Variants in MICALL2 observed in about 807,000 individuals in gnomAD.
MICALL2 encodes MICAL like 2.
MICALL2 carries 111 observed loss-of-function variants against 91.1 expected under a neutral mutation model. That is an observed-to-expected ratio of 1.22 (90% CI 1.04 to 1.43). MICALL2 has a LOEUF of 1.43. MICALL2 is among the 40% of genes most tolerant of loss of function. The pLI, the probability that MICALL2 is intolerant of heterozygous loss-of-function variation, is 0.00. For missense variants in MICALL2, 1,556 were observed against 1,236.0 expected (o/e 1.26, Z -3.88); for synonymous variants, 694 against 525.3 (o/e 1.32, Z -4.39).
In MICALL2 at chr7:1,440,033, C is replaced by A; in HGVS notation, c.1858G>T (p.Ala620Ser). ...RALAEPRAGE[A>S]PRKVSGSFAG... ...AAGCTGCCTGAGACCTTCCTGGGGGCCTCCCCCGCCCTCGGCTCTGCCAGG... is the reference window on the plus strand; with the variant it reads ...AAGCTGCCTGAGACCTTCCTGGGGGACTCCCCCGCCCTCGGCTCTGCCAGG... Residue 620 changes from alanine (A) to serine (S), a missense_variant, in exon 9 of 17, where the codon GCC becomes TCC. Ala to Ser is a moderately conservative substitution (Grantham distance 99). Transcript: ENST00000297508. 1.3e-6 allele frequency: 2 copies of A among 1,578,082 alleles called. No individual in the cohort carries two copies. The highest frequency in any genetic ancestry group is 2.4e-5 in the East Asian group (1 of 41,908).
chr7:1,440,046 C>T lies in MICALL2; in HGVS notation c.1845G>A (p.Pro615=), dbSNP rs778253235. ...CCTTCCTGGGGGCCTCCCCCGCCCT[C>T]GGCTCTGCCAGGGCCCGTGGTTCCT... ...KPKEPRALAE[P]RAGEAPRKVS... is the part of the protein sequence containing the mutation. Residue 615 remains proline, a synonymous_variant, in exon 9 of 17, where the codon CCG becomes CCA. Coordinates refer to ENST00000297508, the MANE Select transcript of MICALL2 (RefSeq NM_182924.4). 1.8e-5 allele frequency: 28 copies of T among 1,584,240 alleles called. No individual in the cohort carries two copies. Among genetic ancestry groups the T allele is most frequent in the South Asian group, 1.0e-4 (9 of 86,696 alleles).
chr7:1,448,752 C>T lies in MICALL2; in HGVS notation c.202G>A (p.Val68Met). The T allele has an allele frequency of 2.5e-6, 4 of 1,612,592 alleles. No individual in the cohort carries two copies. The highest frequency in any genetic ancestry group is 2.2e-5 in the East Asian group (1 of 44,878). ...IYENNKLAFR[V>M]AEEHLGIPAL... is the part of the protein sequence containing the mutation. ...GGGATGCCCAAGTGCTCCTCGGCCA[C>T]GCGGAAGGCCTGCGAAAGGTGGGAG... Residue 68 changes from valine (V) to methionine (M), a missense_variant, in exon 3 of 17, where the codon GTG (valine) becomes ATG (methionine). Val to Met is a conservative substitution (Grantham distance 21). Transcript: ENST00000297508.
In MICALL2 at chr7:1,444,794, C is replaced by A; in HGVS notation, c.1276G>T (p.Val426Leu). 5 of 1,611,446 alleles carry A rather than the reference C, an allele frequency of 3.1e-6. No individual in the cohort carries two copies. Among genetic ancestry groups the A allele is most frequent in the Non-Finnish European group, 4.2e-6 (5 of 1,179,280 alleles). The change falls in exon 6 of 17, where the codon GTG (valine) becomes TTG (leucine). Residue 426 changes from valine to leucine, a missense_variant. By Grantham distance (32) the Val-to-Leu change is conservative (BLOSUM62 1). Transcript: ENST00000297508. ...CCAGAAAGGCTGGTGCCGGGGGGCACTGCTGATGTTTGGAAAAACTTATTC... is the reference window on the plus strand; with the variant it reads ...CCAGAAAGGCTGGTGCCGGGGGGCAATGCTGATGTTTGGAAAAACTTATTC... ...ARNKFFQTSA[V>L]PPGTSLSGRG...
At position 1,442,285 on chromosome 7, in the gene MICALL2, C is replaced by G; in HGVS notation, c.1618G>C (p.Ala540Pro). The change falls in exon 7 of 17, where the codon GCG becomes CCG. Residue 540 changes from alanine (A) to proline (P), a missense_variant. Transcript: ENST00000297508. ...ALPPAGRRNL[A>P]ESSGVGRVGA... ...ACCCTGCCGACCCCTGAGGATTCCG[C>G]CAAGTTCCTCCTGCCTGCCGGGGGC... 1 of 1,613,046 alleles carries G rather than the reference C, an allele frequency of 6.2e-7. No individual in the cohort carries two copies. Among genetic ancestry groups the G allele is most frequent in the African/African-American group, 1.3e-5 (1 of 75,062 alleles).
chr7:1,441,927 G>A (rs946918844), intron 7 of MICALL2: 4 of 544,050 alleles, frequency 7.4e-6, no homozygotes, highest in African/African-American at 5.7e-5. Flanking sequence ...CTGCAGGGCT[G>A]GGCTGCAGGC....
chr7:1,450,685 A>G, intron 1 of MICALL2: 2 of 200,546 alleles, frequency 1.0e-5, no homozygotes, highest in East Asian at 1.2e-4. Context: ...TGGGTCGCAG[A>G]GGCCTGATGC....
At position 1,442,259 on chromosome 7, in the gene MICALL2, C is replaced by T. The variant is rs144202554; in HGVS notation, c.1644G>A (p.Val548=). 1.6e-5 allele frequency: 26 copies of T among 1,612,796 alleles called. No homozygotes were observed. In the African/African-American group the frequency reaches 2.9e-4, roughly 18 times the overall value. Residue 548 remains valine, a synonymous_variant, in exon 7 of 17, where the codon GTG becomes GTA. Transcript: ENST00000297508. ...NLAESSGVGR[V]GAGSRPKPEA... ...CTGGCTTCGGCCTGGAGCCAGCACC[C>T]ACCCTGCCGACCCCTGAGGATTCCG... is the stretch of plus-strand genomic sequence containing the variant.
intron 6 of MICALL2, among the ~76,000 whole-genome samples, chr7:1,443,960 G>T (rs1780434876): frequency 6.6e-6 from 1 of 152,126 alleles, no homozygotes; most frequent in Non-Finnish European, 1.5e-5. Context: ...GAAGGTCAGG[G>T]CCTGGCTGGA....
At chr7:1,440,724 G>T (rs768979354) in intron 7 of MICALL2, 40 bp from the exon 8 acceptor site, 1 of 1,543,584 alleles carries the variant, frequency 6.5e-7, no homozygotes, top group Non-Finnish European at 8.9e-7. Context: ...AGGAAGGAGT[G>T]CTGGGAATGG....
intron 1 of MICALL2, among the ~76,000 whole-genome samples, 200 bp downstream of exon 1, chr7:1,458,984 T>C (rs59341596): frequency 0.032 from 4,885 of 152,208 alleles, 272 homozygotes; most frequent in African/African-American, 0.11. Flanking sequence ...GGGGATGCCA[T>C]GGCTCTGGCC....
At position 1,442,217 on chromosome 7, in the gene MICALL2, C is replaced by A. The variant is rs149817393; in HGVS notation, c.1686G>T (p.Lys562Asn). Reference protein sequence around the residue: ...SRPKPEAPMAKGKSTTLTQDM... With the variant: ...SRPKPEAPMANGKSTTLTQDM... ...CCTGCGTTAAGGTGGTGCTTTTACC[C>A]TTTGCCATCGGGGCCTCTGGCTTCG... Residue 562 changes from lysine (K) to asparagine (N), a missense_variant, in exon 7 of 17, where the codon AAG (lysine) becomes AAT (asparagine). Coordinates refer to ENST00000297508, the MANE Select transcript of MICALL2 (RefSeq NM_182924.4). 34 of 1,612,760 alleles carry A rather than the reference C, an allele frequency of 2.1e-5. No individual in the cohort carries two copies. In the African/African-American group the frequency reaches 4.5e-4, roughly 21 times the overall value.
Position 1,442,484 on chromosome 7 carries a change from C to T in MICALL2, c.1419G>A (p.Arg473=), listed in dbSNP as rs750329246. 43 of 1,524,970 alleles carry T rather than the reference C, an allele frequency of 2.8e-5. No individual in the cohort carries two copies. The East Asian group carries it at 4.3e-4, about 15-fold the overall frequency. 94.5% of individuals were successfully genotyped at this position (1,524,970 alleles called of 1,614,324 possible). A position where few individuals can be genotyped will look rare whatever the true frequency, so the allele number is the denominator to read the frequency against. Residue 473 remains arginine, a splice_region_variant and synonymous_variant, in exon 7 of 17, where the codon AGG becomes AGA. Transcript: ENST00000297508. Reference sequence around the variant, plus strand: ...GAACAGCGGCAGTGGCTGGGGAGGGCCTATAAGTAAAAGCGCAGGCATCAG... The same window carrying T: ...GAACAGCGGCAGTGGCTGGGGAGGGTCTATAAGTAAAAGCGCAGGCATCAG... ...LEEAGAPAPG[R]PSPATAAVPS...
Position 1,448,619 on chromosome 7 carries a change from C to A in MICALL2, c.334+1G>T, listed in dbSNP as rs756241370. 3 of 1,612,418 alleles carry A rather than the reference C, an allele frequency of 1.9e-6. No individual in the cohort carries two copies. Among genetic ancestry groups the A allele is most frequent in the Non-Finnish European group, 2.5e-6 (3 of 1,179,832 alleles). Reference sequence around the variant, plus strand: ...GCTCGGCGGGCGCGGCAGGGACTCACTGGGGGAGCGGCCGTGGAAGTAGTT... The same window carrying A: ...GCTCGGCGGGCGCGGCAGGGACTCAATGGGGGAGCGGCCGTGGAAGTAGTT... On this transcript the variant is annotated splice_donor_variant, in intron 3 of 16. Coordinates refer to ENST00000297508, the MANE Select transcript of MICALL2 (RefSeq NM_182924.4). LOFTEE classifies it high-confidence loss of function.
intron 1 of MICALL2, among the ~76,000 whole-genome samples, chr7:1,453,147 C>G (rs1436181700): frequency 1.3e-5 from 2 of 150,974 alleles, no homozygotes; most frequent in Non-Finnish European, 3.0e-5. Context: ...TCTCCAGGAG[C>G]CCCCCAAGAA....
intron 2 of MICALL2, 64 bp downstream of exon 2, chr7:1,450,176 G>T: frequency 2.2e-6 from 3 of 1,372,984 alleles, no homozygotes; most frequent in Non-Finnish European, 3.1e-6. Context: ...TCGGTCCCTC[G>T]GACGTGGGTG....
chr7:1,439,219 G>A (rs892650135), intron 9 of MICALL2: 30 of 533,392 alleles, frequency 5.6e-5, no homozygotes, highest in Middle Eastern at 4.8e-4. Flanking sequence ...GCTGCTCAAG[G>A]TCACACAGGA....
chr7:1,446,784 G>C lies in MICALL2; in HGVS notation c.570C>G (p.Val190=). Residue 190 remains valine, a synonymous_variant, in exon 5 of 17, where the codon GTC becomes GTG. Transcript: ENST00000297508. ...AGSLVSSTCG[V]CGKHVHLVQR... ...GTACCAGGTGCACGTGCTTGCCGCAGACCCCGCAGGTGCTGCTGACCAAGC... is the reference window on the plus strand; with the variant it reads ...GTACCAGGTGCACGTGCTTGCCGCACACCCCGCAGGTGCTGCTGACCAAGC... The C allele has an allele frequency of 1.2e-6, 2 of 1,607,418 alleles. No individual in the cohort carries two copies. The highest frequency in any genetic ancestry group is 1.7e-6 in the Non-Finnish European group (2 of 1,177,644).
intron 9 of MICALL2, chr7:1,439,336 G>A (rs10253769): frequency 0.21 from 62,067 of 296,976 alleles, 9,321 homozygotes; most frequent in African/African-American, 0.51. Context: ...GGGTGCACAC[G>A]TGGACACACA....
chr7:1,457,699 G>A (rs1781069695), intron 1 of MICALL2, among the ~76,000 whole-genome samples: 1 of 152,246 alleles, frequency 6.6e-6, no homozygotes, highest in African/African-American at 2.4e-5. Context: ...AGCTCCCCAG[G>A]ACCAGAGGGC....
Sources: gnomAD v4.1 joint callset for allele counts (sites outside exome capture counted in the v4.1 genomes callset) on GRCh38, gnomAD v4.1.1 for gene constraint, MANE v1.5 for transcripts, NCBI Gene and HGNC (gene_info 2026-07-23, HGNC 2026-07-21) for gene names.